Variants in SLC24A3 observed in about 807,000 individuals in gnomAD.
SLC24A3 encodes the protein sodium/potassium/calcium exchanger 3.
In SLC24A3, 28 loss-of-function variants were observed where a neutral mutation model predicts 75.8. The ratio of observed to expected loss-of-function variants is 0.37; its 90% CI spans 0.27 to 0.51. The LOEUF is 0.51. Among genes scored for constraint, SLC24A3 ranks in the 20% least tolerant of loss-of-function variants. The pLI is 0.94. For missense variants in SLC24A3, 663 were observed against 847.8 expected, an observed-to-expected ratio of 0.78 and a Z score of 2.71; for synonymous variants, 372 against 334.1, an observed-to-expected ratio of 1.11 and a Z score of -1.24.
At position 19,569,506 on chromosome 20, in the gene SLC24A3, A is replaced by G. The variant is rs1422924819; in HGVS notation, c.349-10494A>G. ...TCCTGGGAGGTTATTCTCTGCTCCA[A>G]CCCCTCTCCCATTCTCCATTCTTCT... On this transcript the variant is annotated intron_variant, in intron 3 of 16. Coordinates refer to ENST00000328041, the MANE Select transcript of SLC24A3 (RefSeq NM_020689.4). Among the ~76,000 whole-genome samples, 11 of 151,424 alleles carry G rather than the reference A, an allele frequency of 7.3e-5. 1 individual carries two copies.
At chr20:19,453,602 G>A (rs547327323) in intron 2 of SLC24A3, among the ~76,000 whole-genome samples, 60 of 152,336 alleles carry the variant, frequency 3.9e-4, no homozygotes, top group African/African-American at 1.3e-3. Context: ...GGGAGTGGCC[G>A]ATGGAGCCTG....
chr20:19,546,105 G>A (rs1276830635), intron 3 of SLC24A3, among the ~76,000 whole-genome samples: 1 of 136,906 alleles, frequency 7.3e-6, no homozygotes, highest in Non-Finnish European at 1.5e-5. Flanking sequence ...CTTGCAGTGA[G>A]CCGAGATTGT....
chr20:19,291,286 C>G (rs1382525919), intron 2 of SLC24A3, among the ~76,000 whole-genome samples: 1 of 152,186 alleles, frequency 6.6e-6, no homozygotes, highest in African/African-American at 2.4e-5. Context: ...CAAAGGCTCT[C>G]CAGGCCTGAG....
Position 19,485,379 on chromosome 20 carries a change from T to C in SLC24A3, c.272-30109T>C, listed in dbSNP as rs539989465. Among the ~76,000 whole-genome samples the C allele has an allele frequency of 1.3e-3, 193 of 152,254 alleles. 2 individuals carry two copies. Among genetic ancestry groups the C allele is most frequent in the African/African-American group, 4.5e-3 (187 of 41,534 alleles). ...ATTTCCAAGATATGTTAAGTGAAAA[T>C]TGCAGTATACATACCACTGTATGTA... is the stretch of plus-strand genomic sequence containing the variant. On this transcript the variant is annotated intron_variant, in intron 2 of 16. Transcript: ENST00000328041.
chr20:19,402,935 G>A (rs938416241), intron 2 of SLC24A3, among the ~76,000 whole-genome samples: 5 of 152,214 alleles, frequency 3.3e-5, no homozygotes, highest in African/African-American at 9.7e-5. Flanking sequence ...TTGAGCACTG[G>A]AAATGTGACT....
At chr20:19,628,202 CA>C (rs776701707) in intron 6 of SLC24A3, among the ~76,000 whole-genome samples, 2,295 of 51,800 alleles carry the variant, frequency 0.044, 5 homozygotes, top group Non-Finnish European at 0.067. Context: ...GACTCCATCT[CA>C]AAAAAAAAAA....
rs141202525 is a variant in SLC24A3, at chr20:19,626,818, G to A, written c.613-27244G>A. ...CCCCAGTTCTACTGAAAAGGCCTTGGGTATTTTGATTACTGACAATATACC... is the reference window on the plus strand; with the variant it reads ...CCCCAGTTCTACTGAAAAGGCCTTGAGTATTTTGATTACTGACAATATACC... On this transcript the variant is annotated intron_variant, in intron 6 of 16. Coordinates refer to ENST00000328041, the MANE Select transcript of SLC24A3 (RefSeq NM_020689.4). 7.4e-4 allele frequency among the ~76,000 whole-genome samples: 113 copies of A among 152,188 alleles called. 1 individual carries two copies. In the East Asian group the frequency reaches 0.02, roughly 27 times the overall value.
intron 1 of SLC24A3, among the ~76,000 whole-genome samples, chr20:19,264,928 T>C (rs934175484): frequency 6.6e-6 from 1 of 152,146 alleles, no homozygotes; most frequent in African/African-American, 2.4e-5. Context: ...ACCTTTGTAA[T>C]GCATGTTTAT....
chr20:19,215,316 T>A (rs560085386), intron 1 of SLC24A3, among the ~76,000 whole-genome samples: 1 of 152,264 alleles, frequency 6.6e-6, no homozygotes, highest in Non-Finnish European at 1.5e-5. Context: ...GCTGAGTGAT[T>A]AGCTTAAAGT....
chr20:19,714,405 T>TAA (rs1176209950), intron 15 of SLC24A3, among the ~76,000 whole-genome samples: 9 of 50,726 alleles, frequency 1.8e-4, no homozygotes, highest in Middle Eastern at 0.011. Context: ...ACCCAGTCTC[T>TAA]AAAAAAAAAA....
At chr20:19,307,595 C>A (rs1456903914) in intron 2 of SLC24A3, among the ~76,000 whole-genome samples, 1 of 151,922 alleles carries the variant, frequency 6.6e-6, no homozygotes, top group Admixed American at 6.6e-5. Flanking sequence ...CACACCGGGG[C>A]CTGTTGGGGG....
At chr20:19,472,207 T>C (rs997926552) in intron 2 of SLC24A3, among the ~76,000 whole-genome samples, 4 of 152,230 alleles carry the variant, frequency 2.6e-5, no homozygotes, top group Non-Finnish European at 5.9e-5. Context: ...AACATATTTT[T>C]AAATAGATCC....
intron 2 of SLC24A3, among the ~76,000 whole-genome samples, chr20:19,342,485 A>G (rs1040379346): frequency 6.6e-6 from 1 of 152,236 alleles, no homozygotes; most frequent in Non-Finnish European, 1.5e-5. Context: ...TCAATTATAC[A>G]GCAATCATAC....
At chr20:19,240,493 A>T (rs980401335) in intron 1 of SLC24A3, among the ~76,000 whole-genome samples, 18 of 152,206 alleles carry the variant, frequency 1.2e-4, no homozygotes, top group Non-Finnish European at 7.3e-5. Flanking sequence ...AAAACTCTGT[A>T]TGTGCAGACA....
At chr20:19,372,122 A>C (rs1373350038) in intron 2 of SLC24A3, among the ~76,000 whole-genome samples, 1 of 152,224 alleles carries the variant, frequency 6.6e-6, no homozygotes, top group African/African-American at 2.4e-5. Context: ...ACAGTAAATA[A>C]ACTGGAAACC....
At chr20:19,247,689 T>A (rs1982535195) in intron 1 of SLC24A3, among the ~76,000 whole-genome samples, 1 of 152,238 alleles carries the variant, frequency 6.6e-6, no homozygotes, top group Non-Finnish European at 1.5e-5. Flanking sequence ...TGTGACTATT[T>A]CCTTATTAAT....
chr20:19,491,992 C>G (rs1486982840), intron 2 of SLC24A3, among the ~76,000 whole-genome samples: 1 of 152,104 alleles, frequency 6.6e-6, no homozygotes, highest in Non-Finnish European at 1.5e-5. Context: ...CCCTTCACCC[C>G]TCTTCAAAGA....
chr20:19,573,175 G>T (rs996730325), intron 3 of SLC24A3, among the ~76,000 whole-genome samples: 1 of 152,198 alleles, frequency 6.6e-6, no homozygotes, highest in Non-Finnish European at 1.5e-5. Flanking sequence ...ACATAAAACA[G>T]CAGGGTTAAC....
At chr20:19,225,185 G>C (rs962703596) in intron 1 of SLC24A3, among the ~76,000 whole-genome samples, 29 of 152,168 alleles carry the variant, frequency 1.9e-4, no homozygotes, top group African/African-American at 6.5e-4. Flanking sequence ...TTGAGCTTAC[G>C]AGTTTTCAAC....
Sources: gnomAD v4.1 joint callset for allele counts (sites outside exome capture counted in the v4.1 genomes callset) on GRCh38, gnomAD v4.1.1 for gene constraint, MANE v1.5 for transcripts, NCBI Gene and HGNC (gene_info 2026-07-23, HGNC 2026-07-21) for gene names.